Variants in DRC11 observed in about 807,000 individuals in gnomAD.
DRC11 encodes IQ and AAA domain-containing protein 1.
At chr2:236,324,164 C>T in the DRC11 span, 2 of 152,236 alleles carry the variant, frequency 1.3e-5, no homozygotes, top group Non-Finnish European at 2.9e-5. The surrounding 1 kb of genome is among the most constrained non-coding windows in gnomAD (Gnocchi z 5.7). Flanking sequence ...AAGGACAACA[C>T]CTTTATTTCA....
At chr2:236,472,319 C>A in the DRC11 span, among the ~76,000 whole-genome samples, 3 of 152,130 alleles carry the variant, frequency 2.0e-5, no homozygotes, top group Non-Finnish European at 4.4e-5. The surrounding 1 kb of genome is among the most constrained non-coding windows in gnomAD (Gnocchi z 4.6). Context: ...CTCCACAATT[C>A]CCCCCTGCAG....
chr2:236,383,219 T>C, the DRC11 span, among the ~76,000 whole-genome samples: 6 of 152,218 alleles, frequency 3.9e-5, no homozygotes, highest in Admixed American at 1.3e-4. Context: ...TTCTTCTAGG[T>C]TGTCCAACTT....
the DRC11 span, among the ~76,000 whole-genome samples, chr2:236,379,313 C>T: frequency 2.4e-4 from 29 of 120,078 alleles, no homozygotes; most frequent in Non-Finnish European, 3.6e-5. Context: ...AACAGGGGAG[C>T]GACAGGACCA....
chr2:236,342,119 G>A, the DRC11 span, among the ~76,000 whole-genome samples: 1 of 152,160 alleles, frequency 6.6e-6, no homozygotes, highest in East Asian at 1.9e-4. This position sits in a 1 kb window ranked among gnomAD's most constrained non-coding sequence, Gnocchi z 5.8. Flanking sequence ...GGGGCCGGAG[G>A]GTGCATTCAG....
the DRC11 span, among the ~76,000 whole-genome samples, chr2:236,423,410 CAAA>C: frequency 6.6e-6 from 1 of 152,046 alleles, no homozygotes; most frequent in Middle Eastern, 3.2e-3. Context: ...AGACACTTCT[CAAA>C]AGAAGACATT....
At chr2:236,437,439 T>C in the DRC11 span, among the ~76,000 whole-genome samples, 467 of 151,062 alleles carry the variant, frequency 3.1e-3, 2 homozygotes, top group African/African-American at 0.01. Flanking sequence ...TGATTTATAG[T>C]CCTTTGGGTA....
At chr2:236,355,137 T>C in the DRC11 span, among the ~76,000 whole-genome samples, 1 of 152,196 alleles carries the variant, frequency 6.6e-6, no homozygotes, top group Non-Finnish European at 1.5e-5. Flanking sequence ...ACACCGATGT[T>C]CCAGGCAGGG....
chr2:236,425,028 G>T, the DRC11 span, among the ~76,000 whole-genome samples: 9 of 151,964 alleles, frequency 5.9e-5, no homozygotes, highest in Non-Finnish European at 8.8e-5. Flanking sequence ...GTTCCACTGG[G>T]TATATACAAT....
At chr2:236,445,139 T>G in the DRC11 span, among the ~76,000 whole-genome samples, 1 of 152,236 alleles carries the variant, frequency 6.6e-6, no homozygotes, top group African/African-American at 2.4e-5. The surrounding 1 kb of genome is among the most constrained non-coding windows in gnomAD (Gnocchi z 4.8). Context: ...TGCATAATTT[T>G]ATTTTCGTAT....
the DRC11 span, among the ~76,000 whole-genome samples, chr2:236,395,454 G>A: frequency 6.6e-6 from 1 of 152,222 alleles, no homozygotes; most frequent in African/African-American, 2.4e-5. Flanking sequence ...CTAATATGTG[G>A]AAGTTCGTTC....
chr2:236,342,023 G>C, the DRC11 span, among the ~76,000 whole-genome samples: 2 of 152,186 alleles, frequency 1.3e-5, no homozygotes, highest in Non-Finnish European at 2.9e-5. This position sits in a 1 kb window ranked among gnomAD's most constrained non-coding sequence, Gnocchi z 5.8. Flanking sequence ...TCCATGCTCG[G>C]GTGGCGTCAC....
At chr2:236,365,782 G>C in the DRC11 span, among the ~76,000 whole-genome samples, 1 of 152,130 alleles carries the variant, frequency 6.6e-6, no homozygotes, top group South Asian at 2.1e-4. The surrounding 1 kb of genome is among the most constrained non-coding windows in gnomAD (Gnocchi z 7.4). Flanking sequence ...ACCTCAGGGA[G>C]GACAAAGGTG....
At chr2:236,354,324 TGA>T in the DRC11 span, among the ~76,000 whole-genome samples, 41 of 151,678 alleles carry the variant, frequency 2.7e-4, no homozygotes, top group Admixed American at 1.2e-3. Flanking sequence ...TGCATGTGTG[TGA>T]GTGTATTAGT....
the DRC11 span, among the ~76,000 whole-genome samples, chr2:236,440,786 G>A: frequency 6.6e-6 from 1 of 152,022 alleles, no homozygotes; most frequent in African/African-American, 2.4e-5. Flanking sequence ...CTGCAGCCAA[G>A]CTACTCAGAA....
the DRC11 span, chr2:236,497,220 C>T: frequency 6.2e-7 from 1 of 1,613,288 alleles, no homozygotes; most frequent in Non-Finnish European, 8.5e-7. This position sits in a 1 kb window ranked among gnomAD's most constrained non-coding sequence, Gnocchi z 5.1. Context: ...CCGTGAGTTC[C>T]AGCTCCACCA....
the DRC11 span, among the ~76,000 whole-genome samples, chr2:236,413,202 C>G: frequency 6.6e-6 from 1 of 152,204 alleles, no homozygotes; most frequent in African/African-American, 2.4e-5. The surrounding 1 kb of genome is among the most constrained non-coding windows in gnomAD (Gnocchi z 4.0). Context: ...AAAGGGACCT[C>G]TTGAAAACAT....
At chr2:236,310,962 A>C in the DRC11 span, among the ~76,000 whole-genome samples, 1 of 152,194 alleles carries the variant, frequency 6.6e-6, no homozygotes, top group East Asian at 1.9e-4. The surrounding 1 kb of genome is among the most constrained non-coding windows in gnomAD (Gnocchi z 5.5). Flanking sequence ...AGGGAGAATC[A>C]ATTAGTTTCC....
At chr2:236,462,108 G>A in the DRC11 span, among the ~76,000 whole-genome samples, 11 of 152,232 alleles carry the variant, frequency 7.2e-5, no homozygotes, top group Middle Eastern at 3.4e-3. This position sits in a 1 kb window ranked among gnomAD's most constrained non-coding sequence, Gnocchi z 6.4. Flanking sequence ...ACTTCGAGGC[G>A]GTGCTCATCT....
the DRC11 span, among the ~76,000 whole-genome samples, chr2:236,423,960 C>A: frequency 1.3e-5 from 2 of 148,714 alleles, no homozygotes; most frequent in Non-Finnish European, 3.0e-5. Context: ...GAGAAAAAAC[C>A]AAACACCGCA....
Sources: gnomAD v4.1 joint callset for allele counts (sites outside exome capture counted in the v4.1 genomes callset) on GRCh38, gnomAD v4.1.1 for gene constraint, Gnocchi (gnomAD v3.1) non-coding constraint, MANE v1.5 for transcripts, NCBI Gene and HGNC (gene_info 2026-07-23, HGNC 2026-07-21) for gene names.